ACKR2: variants seen among roughly 807,000 people sequenced by gnomAD.
The protein encoded by ACKR2 is atypical chemokine receptor 2.
For missense variants in ACKR2, 457 were observed against 477.3 expected (o/e 0.96, Z 0.40); for synonymous variants, 207 against 192.2 (o/e 1.08, Z -0.64).
rs376833790 is a variant in ACKR2 at position 42,860,189 on chromosome 3, A to AAAAAAAAAAAAAAAC, written c.-37-4277_-37-4276insAAAAAAAAAAAAAAC. Among the ~76,000 whole-genome samples the AAAAAAAAAAAAAAAC allele has an allele frequency of 1.7e-4, 19 of 111,630 alleles. 2 individuals carry two copies. Among genetic ancestry groups the AAAAAAAAAAAAAAAC allele is most frequent in the Admixed American group, 4.0e-4 (3 of 7,442 alleles). 73.2% of individuals were successfully genotyped at this position (111,630 alleles called of 152,430 possible). A position where few individuals can be genotyped will look rare whatever the true frequency, so the allele number is the denominator to read the frequency against. On this transcript the variant is annotated intron_variant, in intron 2 of 2. Coordinates refer to ENST00000422265, the MANE Select transcript of ACKR2 (RefSeq NM_001296.5). ...CAAAAAAAAAAAAAAAAAAAAAAAA[A>AAAAAAAAAAAAAAAC]GCAGGGGATGCAATCCTAGTCTCTG...
At chr3:42,826,487 A>T (rs979990540) in intron 2 of ACKR2, among the ~76,000 whole-genome samples, 1 of 151,902 alleles carries the variant, frequency 6.6e-6, no homozygotes, top group East Asian at 1.9e-4. Flanking sequence ...TTGGTAGTTT[A>T]TGTCTTTCTA....
chr3:42,860,675 G>A (rs1233495448), intron 2 of ACKR2, among the ~76,000 whole-genome samples: 1 of 152,220 alleles, frequency 6.6e-6, no homozygotes, highest in East Asian at 1.9e-4. Flanking sequence ...TCAGACCACA[G>A]TGCAATCAAG....
At chr3:42,810,274 C>T (rs1485454381) in intron 1 of ACKR2, among the ~76,000 whole-genome samples, 1 of 152,132 alleles carries the variant, frequency 6.6e-6, no homozygotes, top group Non-Finnish European at 1.5e-5. Context: ...TAGGAGTCAA[C>T]TAACCATTTC....
rs115360872 is a variant in ACKR2, at chr3:42,833,608, A to G, written c.-38+13897A>G. Among the ~76,000 whole-genome samples the G allele has an allele frequency of 2.7e-3, 405 of 152,222 alleles. 1 individual carries two copies. The highest frequency in any genetic ancestry group is 9.3e-3 in the African/African-American group (386 of 41,530). ...AGACTAGTCACATTTCAGGTGCTTC[A>G]TGGCCAAATATGGCTAGTGACTACT... is the stretch of plus-strand genomic sequence containing the variant. On this transcript the variant is annotated intron_variant, in intron 2 of 2. Transcript: ENST00000422265.
intron 2 of ACKR2, among the ~76,000 whole-genome samples, chr3:42,857,284 G>A (rs2088331149): frequency 2.0e-5 from 3 of 152,186 alleles, no homozygotes; most frequent in Non-Finnish European, 4.4e-5. Flanking sequence ...TCACAGGGTG[G>A]TGGTGGTGAG....
chr3:42,856,407 AT>A (rs1328795577), intron 2 of ACKR2: 1 of 702,898 alleles, frequency 1.4e-6, no homozygotes, highest in Admixed American at 2.0e-5. Context: ...CAGCCATGAG[AT>A]CATGGTATCA....
At chr3:42,821,270 GGCTAT>G (rs1700807295) in intron 2 of ACKR2, among the ~76,000 whole-genome samples, 1 of 152,180 alleles carries the variant, frequency 6.6e-6, no homozygotes, top group African/African-American at 2.4e-5. Flanking sequence ...GTGATCCACA[GGCTAT>G]AGTGAGTGAG....
intron 1 of ACKR2, among the ~76,000 whole-genome samples, chr3:42,814,214 A>G (rs1373288401): frequency 3.9e-5 from 6 of 152,248 alleles, no homozygotes; most frequent in Non-Finnish European, 8.8e-5. Context: ...CTTTCATAAT[A>G]CAGACATTAT....
At chr3:42,825,209 A>G (rs1700850410) in intron 2 of ACKR2, among the ~76,000 whole-genome samples, 1 of 152,160 alleles carries the variant, frequency 6.6e-6, no homozygotes, top group South Asian at 2.1e-4. Context: ...TTTCCATGCG[A>G]ATTTTATAAT....
Position 42,865,506 on chromosome 3 carries a change from TG to T in ACKR2, c.1006del (p.Ala336HisfsTer24). On this transcript the variant is annotated frameshift_variant, in exon 3 of 3. Coordinates refer to ENST00000422265, the MANE Select transcript of ACKR2 (RefSeq NM_001296.5). LOFTEE classifies it low-confidence loss of function (END_TRUNC). Reference protein sequence around the residue: ...AFLAAVLGWHLAPGTAQASLS... With the variant: ...AFLAAVLGWHXAPGTAQASLS... ...CTGGCTGCCGTGCTTGGATGGCACCTGGCACCTGGCACTGCCCAGGCCTCAT... is the reference window on the plus strand; with the variant it reads ...CTGGCTGCCGTGCTTGGATGGCACCTGCACCTGGCACTGCCCAGGCCTCAT... 1 of 1,613,506 alleles carries T rather than the reference TG, an allele frequency of 6.2e-7. No individual in the cohort carries two copies.
At chr3:42,851,952 A>G (rs761958263) in intron 2 of ACKR2, among the ~76,000 whole-genome samples, 3 of 152,118 alleles carry the variant, frequency 2.0e-5, no homozygotes, top group Non-Finnish European at 2.9e-5. Flanking sequence ...CCAGATTCAA[A>G]TAGTCCCTGG....
chr3:42,842,495 A>G (rs1488060718), intron 2 of ACKR2, among the ~76,000 whole-genome samples: 1 of 152,082 alleles, frequency 6.6e-6, no homozygotes, highest in East Asian at 1.9e-4. Context: ...GGAGATAGGA[A>G]CCCTCTTCAC....
intron 2 of ACKR2, among the ~76,000 whole-genome samples, chr3:42,848,697 T>C (rs1701122961): frequency 6.6e-6 from 1 of 151,906 alleles, no homozygotes; most frequent in Non-Finnish European, 1.5e-5. Flanking sequence ...ATTTGTGTAG[T>C]CTCAAAGTAG....
intron 2 of ACKR2, among the ~76,000 whole-genome samples, chr3:42,824,004 T>C (rs1700836795): frequency 6.6e-6 from 1 of 152,226 alleles, no homozygotes; most frequent in South Asian, 2.1e-4. Flanking sequence ...CTTTGTTTCA[T>C]GCACAAAATT....
intron 2 of ACKR2, among the ~76,000 whole-genome samples, chr3:42,842,876 G>A (rs148187446): frequency 0.051 from 7,727 of 150,872 alleles, 233 homozygotes; most frequent in South Asian, 0.12. Context: ...CCAGCTACTC[G>A]GGAGGCTGAG....
intron 2 of ACKR2, among the ~76,000 whole-genome samples, chr3:42,820,453 T>C: frequency 6.6e-6 from 1 of 151,630 alleles, no homozygotes; most frequent in Non-Finnish European, 1.5e-5. Flanking sequence ...ATTAGCCAGA[T>C]GTGGTGGTGG....
At chr3:42,810,342 A>T (rs952726198) in intron 1 of ACKR2, among the ~76,000 whole-genome samples, 3 of 152,072 alleles carry the variant, frequency 2.0e-5, no homozygotes, top group African/African-American at 7.2e-5. Context: ...TGATAAACTG[A>T]TGTGGGATAT....
At chr3:42,828,821 A>G (rs1478490189) in intron 2 of ACKR2, among the ~76,000 whole-genome samples, 2 of 152,244 alleles carry the variant, frequency 1.3e-5, no homozygotes, top group Non-Finnish European at 2.9e-5. Flanking sequence ...AAATAGAATC[A>G]TAATGTGAAG....
At chr3:42,857,937 C>T (rs935298866) in intron 2 of ACKR2, among the ~76,000 whole-genome samples, 1 of 152,242 alleles carries the variant, frequency 6.6e-6, no homozygotes, top group Non-Finnish European at 1.5e-5. Flanking sequence ...CCCACCGTAG[C>T]TTGGCAAAGC....
Sources: gnomAD v4.1 joint callset for allele counts (sites outside exome capture counted in the v4.1 genomes callset) on GRCh38, gnomAD v4.1.1 for gene constraint, MANE v1.5 for transcripts, NCBI Gene and HGNC (gene_info 2026-07-23, HGNC 2026-07-21) for gene names.